The following LYPD6 variants were observed in gnomAD, a reference collection of about 807,000 sequenced individuals.
LYPD6 encodes the protein ly6/PLAUR domain-containing protein 6.
A neutral mutation model predicts 22.7 loss-of-function variants in LYPD6; 15 were observed. The ratio of observed to expected loss-of-function variants is 0.66; its 90% confidence interval spans 0.44 to 1.02. The LOEUF (loss-of-function observed/expected upper bound fraction) is 1.02, where lower values mean the gene tolerates loss of function less well. Among genes scored for constraint, LYPD6 ranks in the 50% least tolerant of loss-of-function variants. The pLI, the probability that LYPD6 is intolerant of heterozygous loss-of-function variation, is 0.00. For missense variants in LYPD6, 189 were observed against 208.4 expected (o/e 0.91, Z 0.57); for synonymous variants, 72 against 77.5 (o/e 0.93, Z 0.37).
At chr2:149,437,947 G>A (rs1573808007) in intron 2 of LYPD6, 121 bp downstream of exon 2, 1 of 1,092,804 alleles carries the variant, frequency 9.2e-7, no homozygotes, top group Admixed American at 2.1e-5. Flanking sequence ...TAACTGGGGT[G>A]GTGCGGTAAT....
At chr2:149,419,205 A>G (rs1451957725) in intron 1 of LYPD6, among the ~76,000 whole-genome samples, 2 of 152,126 alleles carry the variant, frequency 1.3e-5, no homozygotes, top group African/African-American at 2.4e-5. Context: ...TGCCTGGTCT[A>G]TTTCATTTCC....
intron 1 of LYPD6, among the ~76,000 whole-genome samples, chr2:149,405,304 C>G (rs368092844): frequency 0.32 from 48,728 of 151,488 alleles, 10,521 homozygotes; most frequent in African/African-American, 0.62. Flanking sequence ...GTTTCAGAAG[C>G]AATGGTACCA....
chr2:149,455,257 GTT>G (rs554548181), intron 3 of LYPD6, among the ~76,000 whole-genome samples: 3,317 of 127,946 alleles, frequency 0.026, 78 homozygotes, highest in African/African-American at 0.091. Context: ...TTTCTAGCAA[GTT>G]TTTTTTTTTT....
chr2:149,428,741 G>C (rs940216132), intron 1 of LYPD6, among the ~76,000 whole-genome samples: 1 of 152,224 alleles, frequency 6.6e-6, no homozygotes, highest in Non-Finnish European at 1.5e-5. Flanking sequence ...GAAGGGGGAA[G>C]TATAGAGCAG....
chr2:149,336,444 C>T (rs1318431985), intron 1 of LYPD6, among the ~76,000 whole-genome samples: 1 of 150,326 alleles, frequency 6.7e-6, no homozygotes, highest in Non-Finnish European at 1.5e-5. Flanking sequence ...TTCCCATCAG[C>T]AGATAGCATA....
chr2:149,345,719 T>TA (rs1264752003), intron 1 of LYPD6, among the ~76,000 whole-genome samples: 2 of 152,140 alleles, frequency 1.3e-5, no homozygotes, highest in South Asian at 2.1e-4. Flanking sequence ...TTGTCTTGTT[T>TA]AAAAAATTGG....
chr2:149,482,806 T>C, the LYPD6 span, among the ~76,000 whole-genome samples: 1 of 152,188 alleles, frequency 6.6e-6, no homozygotes, highest in African/African-American at 2.4e-5. Flanking sequence ...ATACAGAAAC[T>C]GGTGGAAGAC....
At chr2:149,351,760 G>C (rs1338552205) in intron 1 of LYPD6, among the ~76,000 whole-genome samples, 2 of 152,186 alleles carry the variant, frequency 1.3e-5, no homozygotes, top group African/African-American at 4.8e-5. Context: ...AGCCAAGGAA[G>C]GGCTGAGTGT....
At chr2:149,413,851 C>T (rs537563168) in intron 1 of LYPD6, among the ~76,000 whole-genome samples, 1 of 152,280 alleles carries the variant, frequency 6.6e-6, no homozygotes, top group South Asian at 2.1e-4. Context: ...AGAACAATTA[C>T]CAAGTCTACT....
At chr2:149,413,973 A>AG (rs552644147) in intron 1 of LYPD6, among the ~76,000 whole-genome samples, 74 of 152,352 alleles carry the variant, frequency 4.9e-4, no homozygotes, top group Non-Finnish European at 9.3e-4. Context: ...TACTGGCCAA[A>AG]GGGTGGCCAC....
At chr2:149,422,855 A>G (rs183854212) in intron 1 of LYPD6, among the ~76,000 whole-genome samples, 190 of 152,122 alleles carry the variant, frequency 1.2e-3, no homozygotes, top group African/African-American at 4.5e-3. Context: ...ATAGAATACA[A>G]TGTTTGTCTT....
At chr2:149,443,930 C>CTTTTT (rs766245738) in intron 2 of LYPD6, among the ~76,000 whole-genome samples, 6 of 114,082 alleles carry the variant, frequency 5.3e-5, no homozygotes, top group Non-Finnish European at 3.6e-5. Flanking sequence ...ATGTGCATAT[C>CTTTTT]TTTTTTTTTT....
chr2:149,477,622 CAAAAAAAA>C (rs35507967), downstream of LYPD6, among the ~76,000 whole-genome samples: 35 of 62,926 alleles, frequency 5.6e-4, no homozygotes, highest in African/African-American at 1.1e-3. Flanking sequence ...AACTGTGTCT[CAAAAAAAA>C]AAAAAAAAAA....
intron 1 of LYPD6, among the ~76,000 whole-genome samples, chr2:149,410,552 C>T (rs1403441770): frequency 6.6e-6 from 1 of 152,068 alleles, no homozygotes; most frequent in Non-Finnish European, 1.5e-5. Context: ...ACTCTTGCTT[C>T]TCCAGTGAAA....
chr2:149,423,626 G>A (rs902707480), intron 1 of LYPD6, among the ~76,000 whole-genome samples: 1 of 152,054 alleles, frequency 6.6e-6, no homozygotes, highest in Non-Finnish European at 1.5e-5. Context: ...TTTTTCTGCG[G>A]ATAGATACCT....
intron 1 of LYPD6, among the ~76,000 whole-genome samples, chr2:149,410,251 C>T (rs886554001): frequency 1.9e-4 from 29 of 151,910 alleles, no homozygotes; most frequent in Admixed American, 1.2e-3. Flanking sequence ...ATAATGCATA[C>T]GTTTGTAAGT....
intron 1 of LYPD6, among the ~76,000 whole-genome samples, chr2:149,434,116 T>C (rs1683380539): frequency 6.6e-6 from 1 of 152,156 alleles, no homozygotes; most frequent in Non-Finnish European, 1.5e-5. Flanking sequence ...TGATCACTCT[T>C]AGTTCTGCAC....
intron 1 of LYPD6, among the ~76,000 whole-genome samples, chr2:149,370,163 T>C (rs1681775389): frequency 6.6e-6 from 1 of 152,166 alleles, no homozygotes; most frequent in African/African-American, 2.4e-5. Context: ...ATGTACTGAA[T>C]AAATGCTGAG....
At chr2:149,464,073 G>A (rs1056439439) in intron 3 of LYPD6, 13 of 407,210 alleles carry the variant, frequency 3.2e-5, no homozygotes, top group Admixed American at 2.7e-4. Flanking sequence ...CCTTACAAAT[G>A]CATGGGAATC....
Sources: gnomAD v4.1 joint callset for allele counts (sites outside exome capture counted in the v4.1 genomes callset) on GRCh38, gnomAD v4.1.1 for gene constraint, MANE v1.5 for transcripts, NCBI Gene and HGNC (gene_info 2026-07-23, HGNC 2026-07-21) for gene names.